ADAM32: variants seen among roughly 807,000 people sequenced by gnomAD.
ADAM32 encodes the protein ADAM metallopeptidase domain 32, also known as disintegrin and metalloproteinase domain-containing protein 32.
ADAM32 carries 89 observed loss-of-function variants against 114.9 expected under a neutral mutation model. The ratio of observed to expected loss-of-function variants is 0.77; its 90% CI spans 0.65 to 0.92. ADAM32 has a LOEUF of 0.92. Among genes scored for constraint, ADAM32 ranks in the 40% least tolerant of loss-of-function variants. The pLI is 0.00. For missense variants in ADAM32, 870 were observed against 932.8 expected (o/e 0.93, Z 0.88); for synonymous variants, 285 against 307.5 (o/e 0.93, Z 0.77).
chr8:39,138,056 A>G (rs774328612), intron 3 of ADAM32, among the ~76,000 whole-genome samples: 1 of 152,182 alleles, frequency 6.6e-6, no homozygotes, highest in African/African-American at 2.4e-5. Context: ...CTTAATGATT[A>G]TGATAGCCTA....
At chr8:39,237,734 C>T (rs554615119) in intron 16 of ADAM32, among the ~76,000 whole-genome samples, 1 of 151,250 alleles carries the variant, frequency 6.6e-6, no homozygotes, top group African/African-American at 2.4e-5. Context: ...CAAGCCCTAC[C>T]CAAGGAGAGT....
At chr8:39,225,410 G>C (rs758488010) in intron 14 of ADAM32, among the ~76,000 whole-genome samples, 4 of 152,154 alleles carry the variant, frequency 2.6e-5, no homozygotes, top group Non-Finnish European at 4.4e-5. Context: ...CTGCTGCCCT[G>C]TACCCTTTGG....
At chr8:39,188,387 G>A (rs72640093) in intron 11 of ADAM32, among the ~76,000 whole-genome samples, 1 of 104,410 alleles carries the variant, frequency 9.6e-6, no homozygotes, top group South Asian at 3.5e-4. Context: ...CTGTCTGTCT[G>A]TCTATCTATC....
intron 10 of ADAM32, among the ~76,000 whole-genome samples, chr8:39,171,905 G>A (rs1182364197): frequency 1.3e-5 from 2 of 151,292 alleles, no homozygotes; most frequent in Non-Finnish European, 2.9e-5. Flanking sequence ...AGTAAGAGGT[G>A]TAATGTAGTT....
intron 16 of ADAM32, among the ~76,000 whole-genome samples, chr8:39,235,586 T>G (rs995289525): frequency 6.6e-6 from 1 of 152,148 alleles, no homozygotes; most frequent in African/African-American, 2.4e-5. Flanking sequence ...GAATATAATC[T>G]TTTTAATAAC....
At chr8:39,153,871 T>G (rs1803986953) in intron 6 of ADAM32, among the ~76,000 whole-genome samples, 1 of 152,106 alleles carries the variant, frequency 6.6e-6, no homozygotes, top group South Asian at 2.1e-4. Context: ...ATAAAGTTAT[T>G]TGAGCACATA....
chr8:39,252,086 T>A (rs1488901083), intron 17 of ADAM32, among the ~76,000 whole-genome samples: 2 of 151,876 alleles, frequency 1.3e-5, no homozygotes, highest in Admixed American at 6.6e-5. Flanking sequence ...TGTTTGATTT[T>A]ATGCCAGTAC....
intron 10 of ADAM32, among the ~76,000 whole-genome samples, chr8:39,181,254 C>T (rs1240161345): frequency 6.6e-6 from 1 of 152,222 alleles, no homozygotes; most frequent in African/African-American, 2.4e-5. Flanking sequence ...AGATCTGCAG[C>T]TTCTCTCCTG....
At chr8:39,127,514 C>T (rs1802188923) in intron 2 of ADAM32, among the ~76,000 whole-genome samples, 1 of 152,028 alleles carries the variant, frequency 6.6e-6, no homozygotes, top group African/African-American at 2.4e-5. Flanking sequence ...TCTGTGGGGT[C>T]AATGGTGATA....
chr8:39,147,055 G>A lies in ADAM32; in HGVS notation c.201-75G>A, dbSNP rs571905234. 6.9e-6 allele frequency: 4 copies of A among 583,640 alleles called. No individual in the cohort carries two copies. In the East Asian group the frequency reaches 2.6e-4, roughly 38 times the overall value. 36.2% of individuals were successfully genotyped at this position (583,640 alleles called of 1,614,324 possible). On this transcript the variant is annotated intron_variant, in intron 3 of 24. Coordinates refer to ENST00000379907, the MANE Select transcript of ADAM32 (RefSeq NM_145004.7). Reference sequence around the variant, plus strand: ...AGAGGGTGGGTCAGATTTTGGCTGAGAGTGTTAAGTTTACTATGTTTTTAT... The same window carrying A: ...AGAGGGTGGGTCAGATTTTGGCTGAAAGTGTTAAGTTTACTATGTTTTTAT...
chr8:39,194,801 T>C (rs915204528), intron 11 of ADAM32, among the ~76,000 whole-genome samples: 3 of 152,034 alleles, frequency 2.0e-5, no homozygotes, highest in African/African-American at 7.3e-5. Flanking sequence ...AGGGCTAAAG[T>C]CTCGTACGGA....
intron 17 of ADAM32, among the ~76,000 whole-genome samples, chr8:39,247,960 T>A (rs1247186175): frequency 1.3e-5 from 2 of 152,152 alleles, no homozygotes; most frequent in Non-Finnish European, 2.9e-5. Context: ...TTTTCTCTAC[T>A]GTATTGCTTT....
intron 1 of ADAM32, among the ~76,000 whole-genome samples, chr8:39,112,940 C>T (rs1338798806): frequency 6.6e-6 from 1 of 152,228 alleles, no homozygotes; most frequent in Non-Finnish European, 1.5e-5. Context: ...CCTGTGTGTG[C>T]TTCCATTTTG....
At chr8:39,198,830 G>C (rs1314350380) in intron 11 of ADAM32, among the ~76,000 whole-genome samples, 1 of 151,788 alleles carries the variant, frequency 6.6e-6, no homozygotes, top group African/African-American at 2.4e-5. Context: ...TGTGTTTTCA[G>C]GATGGTAGCT....
At chr8:39,219,287 C>T (rs575637276) in intron 12 of ADAM32, among the ~76,000 whole-genome samples, 64 of 152,160 alleles carry the variant, frequency 4.2e-4, no homozygotes, top group African/African-American at 1.5e-3. Flanking sequence ...GTCACTTGCC[C>T]CTGCAGTCTG....
chr8:39,128,271 T>G (rs1177657077), intron 2 of ADAM32, among the ~76,000 whole-genome samples: 1 of 152,234 alleles, frequency 6.6e-6, no homozygotes, highest in Non-Finnish European at 1.5e-5. Flanking sequence ...TAGCATTATG[T>G]AATGCCCTTC....
intron 13 of ADAM32, 122 bp from the exon 14 acceptor site, chr8:39,222,918 A>G: frequency 1.5e-6 from 1 of 675,906 alleles, no homozygotes; most frequent in South Asian, 2.7e-5. Context: ...TGTACAAAAA[A>G]GTATTAATAT....
At chr8:39,270,033 C>T (rs896116852) in intron 19 of ADAM32, among the ~76,000 whole-genome samples, 2 of 93,974 alleles carry the variant, frequency 2.1e-5, no homozygotes, top group Admixed American at 1.1e-4. Context: ...AACTCATTCA[C>T]TATCACGAGA....
intron 17 of ADAM32, among the ~76,000 whole-genome samples, chr8:39,249,232 T>C (rs1237819620): frequency 2.0e-5 from 3 of 152,110 alleles, no homozygotes; most frequent in African/African-American, 7.2e-5. Context: ...TGTTAAATGC[T>C]TTTTCTGTAT....
Sources: allele counts gnomAD v4.1 joint callset (sites outside exome capture counted in the v4.1 genomes callset), GRCh38; gene constraint gnomAD v4.1.1; transcripts MANE v1.5; gene names NCBI Gene and HGNC (gene_info 2026-07-23, HGNC 2026-07-21).